Variants in ITSN2 observed in about 807,000 individuals in gnomAD.
The protein encoded by ITSN2 is intersectin-2.
Under a neutral mutation model 243.7 loss-of-function variants are expected in ITSN2, and 156 were observed. The observed-to-expected ratio is 0.64, with a 90% CI of 0.56 to 0.73. The LOEUF is 0.73. ITSN2 is among the 30% of genes least tolerant of loss of function. The pLI is 0.00. For missense variants in ITSN2, 1,801 were observed against 1,996.1 expected, an observed-to-expected ratio of 0.90 and a Z score of 1.86; for synonymous variants, 703 against 699.9, an observed-to-expected ratio of 1.00 and a Z score of -0.07.
chr2:24,344,847 G>A (rs932840843), intron 1 of ITSN2, among the ~76,000 whole-genome samples: 3 of 152,156 alleles, frequency 2.0e-5, no homozygotes, highest in African/African-American at 4.8e-5. Flanking sequence ...AGCTACGCAG[G>A]AAGCTAAGGC....
At chr2:24,318,946 G>A (rs1684242686) in intron 2 of ITSN2, among the ~76,000 whole-genome samples, 2 of 152,188 alleles carry the variant, frequency 1.3e-5, no homozygotes, top group African/African-American at 4.8e-5. Flanking sequence ...TCTCATAGGA[G>A]CACAAACCCT....
At chr2:24,300,475 T>C (rs558745224) in intron 11 of ITSN2, among the ~76,000 whole-genome samples, 112 of 152,218 alleles carry the variant, frequency 7.4e-4, no homozygotes, top group Non-Finnish European at 1.4e-3. Flanking sequence ...CCCAACACTT[T>C]GGGAGGCCAA....
At chr2:24,236,861 A>ATTTTTT (rs780168235) in intron 29 of ITSN2, among the ~76,000 whole-genome samples, 2 of 134,064 alleles carry the variant, frequency 1.5e-5, no homozygotes, top group Non-Finnish European at 1.6e-5. Flanking sequence ...TCTATCTTTT[A>ATTTTTT]TTTTTTATTT....
At chr2:24,272,424 CTTTTTT>C (rs528083155) in intron 18 of ITSN2, among the ~76,000 whole-genome samples, 1 of 123,432 alleles carries the variant, frequency 8.1e-6, no homozygotes, top group African/African-American at 3.1e-5. Flanking sequence ...AAACAACCTA[CTTTTTT>C]TTTTTTTTTT....
chr2:24,224,860 C>T (rs933582956), intron 29 of ITSN2, among the ~76,000 whole-genome samples: 5 of 152,166 alleles, frequency 3.3e-5, no homozygotes, highest in African/African-American at 7.2e-5. Context: ...CAACTACTGG[C>T]CTCAAGTGCT....
At chr2:24,349,956 G>A (rs951922923) in intron 1 of ITSN2, among the ~76,000 whole-genome samples, 1 of 152,172 alleles carries the variant, frequency 6.6e-6, no homozygotes, top group Admixed American at 6.5e-5. Flanking sequence ...GTGTGGGCAT[G>A]CATAGTACTA....
intron 9 of ITSN2, among the ~76,000 whole-genome samples, 198 bp from the exon 10 acceptor site, chr2:24,302,300 G>A (rs1681876629): frequency 6.6e-6 from 1 of 152,048 alleles, no homozygotes; most frequent in Admixed American, 6.6e-5. Flanking sequence ...CCGGGTTCAC[G>A]CCATTCTCCT....
intron 1 of ITSN2, chr2:24,334,792 G>C (rs1686167058): frequency 5.1e-6 from 7 of 1,374,530 alleles, no homozygotes; most frequent in Middle Eastern, 4.2e-4. Context: ...GGCCGGGCGC[G>C]GTGGCTCACG....
At chr2:24,336,016 T>C (rs13013246) in intron 1 of ITSN2, among the ~76,000 whole-genome samples, 2 of 151,218 alleles carry the variant, frequency 1.3e-5, no homozygotes, top group African/African-American at 2.4e-5. Flanking sequence ...CCGAGGCAGG[T>C]GGATCACGAG....
chr2:24,210,614 CAAAAAAAAA>C (rs950984341), intron 34 of ITSN2, among the ~76,000 whole-genome samples, 157 bp downstream of exon 34: 22 of 53,984 alleles, frequency 4.1e-4, no homozygotes, highest in East Asian at 3.9e-3. Context: ...GACTCCGTCT[CAAAAAAAAA>C]AAAAAAAAAA....
chr2:24,229,023 GAAT>G (rs1057018603), intron 29 of ITSN2, among the ~76,000 whole-genome samples: 9 of 151,786 alleles, frequency 5.9e-5, no homozygotes, highest in Admixed American at 5.9e-4. Flanking sequence ...CCAGGAAGAA[GAAT>G]AATTCTGATC....
intron 2 of ITSN2, among the ~76,000 whole-genome samples, chr2:24,316,410 A>T (rs1439992042): frequency 6.6e-6 from 1 of 152,068 alleles, no homozygotes; most frequent in African/African-American, 2.4e-5. Context: ...CCTCCCAAGT[A>T]GCTGGGACTA....
chr2:24,337,325 T>TATATACATATATATAC (rs1386839125), intron 1 of ITSN2, among the ~76,000 whole-genome samples: 1 of 94,472 alleles, frequency 1.1e-5, no homozygotes, highest in Non-Finnish European at 2.1e-5. Flanking sequence ...AATATATATA[T>TATATACATATATATAC]ATATATATAT....
chr2:24,330,310 G>C (rs1467410257), intron 1 of ITSN2: 2 of 408,292 alleles, frequency 4.9e-6, no homozygotes, highest in African/African-American at 2.1e-5. Context: ...ACGTGAAGAA[G>C]AAGACGCGAG....
chr2:24,223,850 GAAA>G (rs1670735383), intron 29 of ITSN2, among the ~76,000 whole-genome samples: 1 of 130,564 alleles, frequency 7.7e-6, no homozygotes, highest in Non-Finnish European at 1.7e-5. Flanking sequence ...ACAAGAAAAA[GAAA>G]GAAAGAAAGG....
In ITSN2 at chr2:24,212,972, G is replaced by A. The variant is rs75797833; in HGVS notation, c.3991-224C>T. ...TGTAATTTTGCTACACTGATATGTC[G>A]CACTGTAGTAAAGTGAGGGGGCTTC... On this transcript the variant is annotated intron_variant, in intron 32 of 39. Transcript: ENST00000355123. 7.4e-3 allele frequency among the ~76,000 whole-genome samples: 1,125 copies of A among 152,004 alleles called. 7 individuals are homozygous for A. The highest frequency in any genetic ancestry group is 0.026 in the African/African-American group (1,077 of 41,420).
rs1458514158 is a variant in ITSN2 at position 24,300,137 on chromosome 2, C to T, written c.1116G>A (p.Glu372=). 1.9e-6 allele frequency: 3 copies of T among 1,614,060 alleles called. No individual in the cohort carries two copies. The highest frequency in any genetic ancestry group is 1.7e-6 in the Non-Finnish European group (2 of 1,180,048). ...TFEDKRKANY[E]RGNMELEKRR... ...GCTTTTCCAGCTCCATGTTCCCTCG[C>T]TCATAGTTGGCTTTCCGTTTGTCCT... The change falls in exon 12 of 40, where the codon GAG becomes GAA. Residue 372 remains glutamate (E), a synonymous_variant. Transcript: ENST00000355123.
chr2:24,204,425 A>G lies in ITSN2; in HGVS notation c.4763-7T>C, dbSNP rs1668629017. The G allele has an allele frequency of 1.2e-6, 2 of 1,614,050 alleles. No homozygotes were observed. Among genetic ancestry groups the G allele is most frequent in the Non-Finnish European group, 1.7e-6 (2 of 1,179,910 alleles). On this transcript the variant is annotated splice_region_variant and splice_polypyrimidine_tract_variant and intron_variant, in intron 38 of 39. Transcript: ENST00000355123. This position sits in a 1 kb window ranked among gnomAD's most constrained non-coding sequence, Gnocchi z 5.1. ...CAGTATGGGTTGCTCTTTCCTGAAC[A>G]AAAACAAACCACAGACACATGTGGT... is the stretch of plus-strand genomic sequence containing the variant.
chr2:24,287,052 T>C (rs1289283902), intron 15 of ITSN2, among the ~76,000 whole-genome samples: 3 of 152,264 alleles, frequency 2.0e-5, no homozygotes, highest in African/African-American at 2.4e-5. Context: ...AAATGAAACA[T>C]ACAGAGTAAA....
Sources: allele counts gnomAD v4.1 joint callset (sites outside exome capture counted in the v4.1 genomes callset), GRCh38; gene constraint gnomAD v4.1.1; non-coding constraint Gnocchi (gnomAD v3.1); transcripts MANE v1.5; gene names NCBI Gene and HGNC (gene_info 2026-07-23, HGNC 2026-07-21).